The following STAG1 variants were observed in gnomAD, a reference collection of about 807,000 sequenced individuals.
STAG1 encodes the protein cohesin subunit SA-1.
A neutral mutation model predicts 170.9 loss-of-function variants in STAG1; 26 were observed. The ratio of observed to expected loss-of-function variants is 0.15; its 90% CI spans 0.11 to 0.21. The LOEUF is 0.21. Ranked by LOEUF, STAG1 falls within the 10% of genes least tolerant of loss-of-function variation. The pLI is 1.00. For missense variants in STAG1, 964 were observed against 1,509.5 expected, an observed-to-expected ratio of 0.64 and a Z score of 5.99; for synonymous variants, 514 against 497.7, an observed-to-expected ratio of 1.03 and a Z score of -0.44.
intron 12 of STAG1, among the ~76,000 whole-genome samples, chr3:136,470,826 C>T (rs925545410): frequency 2.0e-5 from 3 of 152,210 alleles, no homozygotes; most frequent in African/African-American, 7.2e-5. Flanking sequence ...AGTTCATGTC[C>T]TTTGTAGGGA....
In STAG1 at chr3:136,710,397, CCTCT is replaced by C. The variant is rs757615732; in HGVS notation, c.-84+41794_-84+41797del. On this transcript the variant is annotated intron_variant, in intron 1 of 33. Coordinates refer to ENST00000383202, the MANE Select transcript of STAG1 (RefSeq NM_005862.3). ...TTCCCTGTATTCTGATCCTTTTCTT[CCTCT>C]CTATTACAGTGCTCCAATTCCAAAG... 7.2e-5 allele frequency among the ~76,000 whole-genome samples: 11 copies of C among 152,106 alleles called. 1 individual carries two copies. The highest frequency in any genetic ancestry group is 1.9e-4 in the East Asian group (1 of 5,192).
intron 9 of STAG1, among the ~76,000 whole-genome samples, chr3:136,497,581 C>T (rs1933180812): frequency 6.6e-6 from 1 of 152,154 alleles, no homozygotes; most frequent in African/African-American, 2.4e-5. Flanking sequence ...TGGCTCATGC[C>T]TGTAACCCCA....
At chr3:136,625,461 A>T (rs1444008816) in intron 2 of STAG1, among the ~76,000 whole-genome samples, 1 of 152,198 alleles carries the variant, frequency 6.6e-6, no homozygotes, top group African/African-American at 2.4e-5. Flanking sequence ...AATTCACCAA[A>T]TGCCACATCT....
Position 136,337,659 on chromosome 3 carries a change from A to AG in STAG1, c.*594dup, listed in dbSNP as rs1301800600. The AG allele has an allele frequency of 6.6e-6, 1 of 152,644 alleles. No individual in the cohort carries two copies. The highest frequency in any genetic ancestry group is 1.5e-5 in the Non-Finnish European group (1 of 68,044). 9.5% of individuals were successfully genotyped at this position (152,644 alleles called of 1,614,324 possible). ...ACAGAGGGTGTGTGGTTTTTGGCAG[A>AG]GATGTACTATGTCAGAATTTCATCT... On this transcript the variant is annotated 3_prime_UTR_variant, in exon 34 of 34. Coordinates refer to ENST00000383202, the MANE Select transcript of STAG1 (RefSeq NM_005862.3).
chr3:136,473,587 G>T lies in STAG1; in HGVS notation c.1077C>A (p.Thr359=). The T allele has an allele frequency of 6.2e-7, 1 of 1,612,124 alleles. No individual in the cohort carries two copies. Among genetic ancestry groups the T allele is most frequent in the Non-Finnish European group, 8.5e-7 (1 of 1,179,110 alleles). The change falls in exon 11 of 34, where the codon ACC becomes ACA. Residue 359 remains threonine (T), a synonymous_variant. Coordinates refer to ENST00000383202, the MANE Select transcript of STAG1 (RefSeq NM_005862.3). ...KCLKALQSLY[T]NRELFPKLEL... ...CCAATTTGGGGAATAATTCTCTATT[G>T]GTATATAGACTCTGCAGAGCTTTCA... is the stretch of plus-strand genomic sequence containing the variant.
chr3:136,579,099 G>A (rs893386992), intron 4 of STAG1, among the ~76,000 whole-genome samples: 11 of 152,138 alleles, frequency 7.2e-5, no homozygotes, highest in Non-Finnish European at 1.5e-4. Flanking sequence ...AAGTTAGAGG[G>A]ATCTTGAAGA....
At chr3:136,404,671 TCTGACTAG>T (rs1327734713) in intron 21 of STAG1, among the ~76,000 whole-genome samples, 1 of 152,198 alleles carries the variant, frequency 6.6e-6, no homozygotes, top group Non-Finnish European at 1.5e-5. Flanking sequence ...CCTTTTTATC[TCTGACTAG>T]CTGGCTGAAT....
intron 26 of STAG1, among the ~76,000 whole-genome samples, chr3:136,361,364 C>G (rs575568318): frequency 4.6e-5 from 7 of 152,258 alleles, no homozygotes; most frequent in African/African-American, 1.4e-4. Flanking sequence ...ATTACAGAGA[C>G]TGCTGCAATA....
intron 12 of STAG1, among the ~76,000 whole-genome samples, chr3:136,470,376 C>G (rs564669011): frequency 6.6e-6 from 1 of 152,182 alleles, no homozygotes; most frequent in East Asian, 1.9e-4. Context: ...CCAACAGACA[C>G]GTGAAATAAT....
At chr3:136,441,030 C>CTTTT in intron 15 of STAG1, among the ~76,000 whole-genome samples, 1 of 81,956 alleles carries the variant, frequency 1.2e-5, no homozygotes, top group Non-Finnish European at 2.4e-5. Flanking sequence ...ACCATCTTTC[C>CTTTT]TTTTTTTTTT....
At chr3:136,384,581 C>T (rs1436842483) in intron 22 of STAG1, among the ~76,000 whole-genome samples, 2 of 151,824 alleles carry the variant, frequency 1.3e-5, no homozygotes, top group Non-Finnish European at 2.9e-5. Flanking sequence ...CCAGCCTGGC[C>T]AAACAGGTGA....
chr3:136,374,318 A>G lies in STAG1; in HGVS notation c.2370+3342T>C, dbSNP rs941853758. Reference sequence around the variant, plus strand: ...AGAAAAAAGCTTCTAGAATAAAGATATAAGAAAAAAATATTTTGGCCAGGC... The same window carrying G: ...AGAAAAAAGCTTCTAGAATAAAGATGTAAGAAAAAAATATTTTGGCCAGGC... On this transcript the variant is annotated intron_variant, in intron 23 of 33. Transcript: ENST00000383202. Among the ~76,000 whole-genome samples, 5 of 49,342 alleles carry G rather than the reference A, an allele frequency of 1.0e-4. No individual in the cohort carries two copies. The East Asian group carries it at 0.053, about 519-fold the overall frequency. The allele number at this position is 49,342 out of a possible 152,430, so 32.4% of individuals were successfully genotyped here.
chr3:136,664,817 A>AAC (rs1461004683), intron 1 of STAG1, among the ~76,000 whole-genome samples: 1 of 152,256 alleles, frequency 6.6e-6, no homozygotes, highest in Non-Finnish European at 1.5e-5. Flanking sequence ...CAGTTACTTA[A>AAC]ACAGACCAAC....
intron 4 of STAG1, among the ~76,000 whole-genome samples, chr3:136,577,551 G>A (rs1213146032): frequency 6.6e-6 from 1 of 152,110 alleles, no homozygotes; most frequent in Admixed American, 6.5e-5. Flanking sequence ...TCCAAGGTTT[G>A]AGAATACTAG....
intron 24 of STAG1, 70 bp downstream of exon 24, chr3:136,369,038 G>T: frequency 1.5e-6 from 2 of 1,324,642 alleles, no homozygotes; most frequent in Non-Finnish European, 2.0e-6. Context: ...AACTGAATTT[G>T]TTTCTTTTCT....
rs181281583 is a variant in STAG1, at chr3:136,538,174, T to C, written c.471+3945A>G. 9.2e-5 allele frequency among the ~76,000 whole-genome samples: 14 copies of C among 152,292 alleles called. No individual in the cohort carries two copies. The East Asian group carries it at 1.7e-3, about 19-fold the overall frequency. ...TATGAAATATTGTCTTATCTGTCCATTAAAATTACTTTTACACAAATAATG... is the reference window on the plus strand; with the variant it reads ...TATGAAATATTGTCTTATCTGTCCACTAAAATTACTTTTACACAAATAATG... On this transcript the variant is annotated intron_variant, in intron 6 of 33. Coordinates refer to ENST00000383202, the MANE Select transcript of STAG1 (RefSeq NM_005862.3).
At chr3:136,407,962 C>T (rs1428611622) in intron 21 of STAG1, among the ~76,000 whole-genome samples, 2 of 151,310 alleles carry the variant, frequency 1.3e-5, no homozygotes, top group African/African-American at 2.4e-5. Context: ...GTGTACAATT[C>T]AAGTTAACTT....
intron 16 of STAG1, among the ~76,000 whole-genome samples, chr3:136,423,553 G>A (rs1211038370): frequency 6.6e-6 from 1 of 152,224 alleles, no homozygotes; most frequent in Non-Finnish European, 1.5e-5. Flanking sequence ...AGAAAAAAGA[G>A]TATAGTTTGT....
intron 4 of STAG1, among the ~76,000 whole-genome samples, chr3:136,600,293 G>A (rs1232671105): frequency 6.6e-6 from 1 of 152,142 alleles, no homozygotes; most frequent in Admixed American, 6.5e-5. Context: ...CTTTCCTTCA[G>A]CCTGCTTTAC....
Sources: allele counts gnomAD v4.1 joint callset (sites outside exome capture counted in the v4.1 genomes callset), GRCh38; gene constraint gnomAD v4.1.1; transcripts MANE v1.5; gene names NCBI Gene and HGNC (gene_info 2026-07-23, HGNC 2026-07-21).